The following KCNV2 variants were observed in gnomAD, a reference collection of about 807,000 sequenced individuals.
KCNV2 encodes potassium voltage-gated channel modifier subfamily V member 2.
A neutral mutation model predicts 37.0 loss-of-function variants in KCNV2; 65 were observed. The ratio of observed to expected loss-of-function variants is 1.76; its 90% CI spans 1.44 to 2.16. The LOEUF is 2.16. KCNV2 is among the 30% of genes most tolerant of loss of function. KCNV2 has a pLI of 0.00. For synonymous variants in KCNV2, 518 were observed against 328.6 expected, an observed-to-expected ratio of 1.58 and a Z score of -6.23; for missense variants, 1,232 against 766.7, an observed-to-expected ratio of 1.61 and a Z score of -7.17.
At position 2,718,275 on chromosome 9, in the gene KCNV2, G is replaced by C; in HGVS notation, c.536G>C (p.Arg179Pro). 3.1e-6 allele frequency: 5 copies of C among 1,611,900 alleles called. No individual in the cohort carries two copies. The highest frequency in any genetic ancestry group is 1.1e-5 in the South Asian group (1 of 90,950). The change falls in exon 1 of 2, where the codon CGC becomes CCC. Residue 179 changes from arginine (R) to proline (P), a missense_variant. Physicochemically the swap from Arg to Pro is moderately radical, Grantham distance 103. Coordinates refer to ENST00000382082, the MANE Select transcript of KCNV2 (RefSeq NM_133497.4). ...CTGGTGCTCGACGGGCTGTGTCCGC[G>C]CCGCTTCCTGGAGGAGCTGGGCTAC... is the stretch of plus-strand genomic sequence containing the variant. ...VLLVLDGLCPRRFLEELGYWG... is the reference protein window; with the variant it reads ...VLLVLDGLCPPRFLEELGYWG...
Position 2,717,971 on chromosome 9 carries a change from G to A in KCNV2, c.232G>A (p.Ala78Thr). The A allele has an allele frequency of 1.2e-6, 2 of 1,614,154 alleles. No individual in the cohort carries two copies. Among genetic ancestry groups the A allele is most frequent in the Non-Finnish European group, 1.7e-6 (2 of 1,180,028 alleles). The change falls in exon 1 of 2, where the codon GCA becomes ACA. Residue 78 changes from alanine (A) to threonine (T), a missense_variant. Physicochemically the swap from Ala to Thr is moderately conservative, Grantham distance 58 (BLOSUM62 0). Coordinates refer to ENST00000382082, the MANE Select transcript of KCNV2 (RefSeq NM_133497.4). ...CGACCTGGCAGAAGAGGACCAGCAG[G>A]CAGGGGAGGTCACCACCGCCAAGCC... The part of the protein sequence containing the change: ...KDDLAEEDQQ[A>T]GEVTTAKPEG...
chr9:2,729,909 T>G lies in KCNV2; in HGVS notation c.*182T>G. ...GCCCAAACTCAGAATGTCTCATAGT[T>G]GCTCTGTGTTGTGTGAAACATCTGA... On this transcript the variant is annotated 3_prime_UTR_variant, in exon 2 of 2. Coordinates refer to ENST00000382082, the MANE Select transcript of KCNV2 (RefSeq NM_133497.4). 1.5e-6 allele frequency: 1 copy of G among 646,658 alleles called. No homozygotes were observed. Among genetic ancestry groups the G allele is most frequent in the Non-Finnish European group, 2.7e-6 (1 of 370,532 alleles). The allele number at this position is 646,658 out of a possible 1,614,324, so 40.1% of individuals were successfully genotyped here.
intron 1 of KCNV2, among the ~76,000 whole-genome samples, chr9:2,719,370 A>G (rs978459675): frequency 6.6e-6 from 1 of 152,186 alleles, no homozygotes; most frequent in Non-Finnish European, 1.5e-5. Flanking sequence ...TTTAAAGAAG[A>G]TGCGTCATCA....
At chr9:2,723,604 T>C (rs1586690206) in intron 1 of KCNV2, among the ~76,000 whole-genome samples, 1 of 152,244 alleles carries the variant, frequency 6.6e-6, no homozygotes, top group East Asian at 1.9e-4. Context: ...TGCTAGCCTA[T>C]AGTAAGTCTG....
chr9:2,717,905 G>C lies in KCNV2; in HGVS notation c.166G>C (p.Glu56Gln). 2.5e-6 allele frequency: 4 copies of C among 1,614,188 alleles called. No homozygotes were observed. The highest frequency in any genetic ancestry group is 2.2e-5 in the East Asian group (1 of 44,868). ...AGAGGGCAACTATAACTACTACATC[G>C]AGGAAGACGAAGACGGCGAGGAGGA... Reference protein sequence around the residue: ...WTEGNYNYYIEEDEDGEEEDQ... With the variant: ...WTEGNYNYYIQEDEDGEEEDQ... The change falls in exon 1 of 2, where the codon GAG becomes CAG. Residue 56 changes from glutamate (E) to glutamine (Q), a missense_variant. Transcript: ENST00000382082.
intron 1 of KCNV2, among the ~76,000 whole-genome samples, chr9:2,728,046 ACC>A (rs1378589209): frequency 1.3e-5 from 2 of 152,094 alleles, no homozygotes; most frequent in African/African-American, 2.4e-5. Flanking sequence ...AAGGAGGCAT[ACC>A]CTTCCTTTTT....
At position 2,729,897 on chromosome 9, in the gene KCNV2, A is replaced by G. The variant is rs10967769; in HGVS notation, c.*170A>G. 1,248 of 685,100 alleles carry G rather than the reference A, an allele frequency of 1.8e-3. 15 individuals carry two copies. In the East Asian group the frequency reaches 0.026, roughly 14 times the overall value. 42.4% of individuals were successfully genotyped at this position (685,100 alleles called of 1,614,324 possible). A position where few individuals can be genotyped will look rare whatever the true frequency, so the allele number is the denominator to read the frequency against. Reference sequence around the variant, plus strand: ...ATACTCATTTTGGCCCAAACTCAGAATGTCTCATAGTTGCTCTGTGTTGTG... The same window carrying G: ...ATACTCATTTTGGCCCAAACTCAGAGTGTCTCATAGTTGCTCTGTGTTGTG... On this transcript the variant is annotated 3_prime_UTR_variant, in exon 2 of 2. Coordinates refer to ENST00000382082, the MANE Select transcript of KCNV2 (RefSeq NM_133497.4).
In KCNV2 at chr9:2,718,535, T is replaced by C; in HGVS notation, c.796T>C (p.Ser266Pro). The C allele has an allele frequency of 1.2e-6, 2 of 1,611,582 alleles. No homozygotes were observed. The highest frequency in any genetic ancestry group is 1.1e-5 in the South Asian group (1 of 90,782). The change falls in exon 1 of 2, where the codon TCC becomes CCC. Residue 266 changes from serine (S) to proline (P), a missense_variant. Transcript: ENST00000382082. Reference sequence around the variant, plus strand: ...GGCCGCCAAGGCCATCGGGGTGGCCTCCAGCACCTTCGTGCTCGTCTCCGT... The same window carrying C: ...GGCCGCCAAGGCCATCGGGGTGGCCCCCAGCACCTTCGTGCTCGTCTCCGT... The part of the protein sequence containing the change: ...SVAAKAIGVA[S>P]STFVLVSVVA...
At position 2,717,774 on chromosome 9, in the gene KCNV2, G is replaced by A. The variant is rs780825495; in HGVS notation, c.35G>A (p.Ser12Asn). 6 of 1,614,116 alleles carry A rather than the reference G, an allele frequency of 3.7e-6. No homozygotes were observed. The highest frequency in any genetic ancestry group is 3.3e-5 in the Admixed American group (2 of 60,006). The change falls in exon 1 of 2, where the codon AGC becomes AAC. Residue 12 changes from serine (S) to asparagine (N), a missense_variant. Ser to Asn is a conservative substitution (Grantham distance 46). Transcript: ENST00000382082. ...CAGAGTGAGAGGAGACGGTCCTGGA[G>A]CTACAGGCCCTGGAACACGACGGAG... is the stretch of plus-strand genomic sequence containing the variant. Reference protein sequence around the residue: ...LKQSERRRSWSYRPWNTTENE... With the variant: ...LKQSERRRSWNYRPWNTTENE...
At chr9:2,724,697 T>C (rs1819942388) in intron 1 of KCNV2, among the ~76,000 whole-genome samples, 1 of 152,144 alleles carries the variant, frequency 6.6e-6, no homozygotes, top group South Asian at 2.1e-4. Flanking sequence ...TTGGCTGCAA[T>C]TGGAGGAATG....
At chr9:2,727,260 A>T (rs1819983714) in intron 1 of KCNV2, among the ~76,000 whole-genome samples, 1 of 147,804 alleles carries the variant, frequency 6.8e-6, no homozygotes, top group Admixed American at 6.8e-5. Context: ...CAGGAAGGGG[A>T]ACATCACACA....
Position 2,718,955 on chromosome 9 carries a change from C to T in KCNV2, c.1216C>T (p.Gln406Ter), listed in dbSNP as rs763052137. 9.3e-6 allele frequency: 15 copies of T among 1,610,386 alleles called. No individual in the cohort carries two copies. The highest frequency in any genetic ancestry group is 5.3e-5 in the African/African-American group (4 of 74,964). ...GCGTGCCTTCGGCTTCACGCTGCGCCAGTGCTACCAGCAGGTGGGCTGCCT... is the reference window on the plus strand; with the variant it reads ...GCGTGCCTTCGGCTTCACGCTGCGCTAGTGCTACCAGCAGGTGGGCTGCCT... Reference protein sequence around the residue: ...GLRAFGFTLRQCYQQVGCLLL... With the variant: ...GLRAFGFTLR Residue 406 changes from glutamine (Q) to a stop codon, truncating the protein, a stop_gained, in exon 1 of 2, where the codon CAG becomes TAG. Coordinates refer to ENST00000382082, the MANE Select transcript of KCNV2 (RefSeq NM_133497.4). LOFTEE classifies it high-confidence loss of function.
intron 1 of KCNV2, among the ~76,000 whole-genome samples, chr9:2,727,566 C>A (rs190818793): frequency 2.6e-5 from 4 of 152,246 alleles, no homozygotes; most frequent in African/African-American, 9.6e-5. Flanking sequence ...AGGGCAGAGT[C>A]AGGGAGGAGC....
chr9:2,720,435 G>A (rs1819845593), intron 1 of KCNV2: 1 of 152,026 alleles, frequency 6.6e-6, no homozygotes, highest in Non-Finnish European at 1.5e-5. Flanking sequence ...TAGAGGATAT[G>A]TGAGCTTTCT....
intron 1 of KCNV2, among the ~76,000 whole-genome samples, chr9:2,728,734 C>A (rs1247344187): frequency 6.6e-6 from 1 of 152,138 alleles, no homozygotes; most frequent in African/African-American, 2.4e-5. Context: ...AGTGTTATAA[C>A]TGTCTTCATT....
Position 2,729,818 on chromosome 9 carries a change from T to TC in KCNV2, c.*91_*92insC. 7.2e-7 allele frequency: 1 copy of TC among 1,386,188 alleles called. No homozygotes were observed. Among genetic ancestry groups the TC allele is most frequent in the South Asian group, 1.2e-5 (1 of 85,790 alleles). 85.9% of individuals were successfully genotyped at this position (1,386,188 alleles called of 1,614,324 possible). On this transcript the variant is annotated 3_prime_UTR_variant, in exon 2 of 2. Transcript: ENST00000382082. ...CATTATGATTGGCAGCAAAAGGAAA[T>TC]GTGAAGCAGACATACACAAAGGCCA...
chr9:2,721,794 G>C (rs10967728), intron 1 of KCNV2, among the ~76,000 whole-genome samples: 66,400 of 151,842 alleles, frequency 0.44, 14,988 homozygotes, highest in East Asian at 0.73. Flanking sequence ...AGTAGAGTCT[G>C]TCTTTAGTGG....
chr9:2,718,149 G>A lies in KCNV2; in HGVS notation c.410G>A (p.Ser137Asn), dbSNP rs953979254. The change falls in exon 1 of 2, where the codon AGC (serine) becomes AAC (asparagine). Residue 137 changes from serine (S) to asparagine (N), a missense_variant. Coordinates refer to ENST00000382082, the MANE Select transcript of KCNV2 (RefSeq NM_133497.4). Reference protein sequence around the residue: ...ATSTSRSRQLSLCDDYEEQTD... With the variant: ...ATSTSRSRQLNLCDDYEEQTD... ...TCCACCAGCCGCAGCCGCCAGCTAA[G>A]CCTGTGCGACGACTACGAGGAGCAG... 94 of 1,611,422 alleles carry A rather than the reference G, an allele frequency of 5.8e-5. No individual in the cohort carries two copies. Among genetic ancestry groups the A allele is most frequent in the Non-Finnish European group, 7.8e-5 (92 of 1,178,974 alleles).
rs996620453 is a variant in KCNV2, at chr9:2,717,753, G to C, written c.14G>C (p.Ser5Thr). The C allele has an allele frequency of 6.2e-7, 1 of 1,614,104 alleles. No individual in the cohort carries two copies. Among genetic ancestry groups the C allele is most frequent in the African/African-American group, 1.3e-5 (1 of 74,940 alleles). The stretch of plus-strand genomic sequence containing the variant: ...CTTTCCGCAGCCATGCTCAAACAGA[G>C]TGAGAGGAGACGGTCCTGGAGCTAC... MLKQ[S>T]ERRRSWSYRP... The change falls in exon 1 of 2, where the codon AGT becomes ACT. Residue 5 changes from serine to threonine, a missense_variant. By Grantham distance (58) the Ser-to-Thr change is moderately conservative. Coordinates refer to ENST00000382082, the MANE Select transcript of KCNV2 (RefSeq NM_133497.4).
Sources: gnomAD v4.1 joint callset for allele counts (sites outside exome capture counted in the v4.1 genomes callset) on GRCh38, gnomAD v4.1.1 for gene constraint, MANE v1.5 for transcripts, NCBI Gene and HGNC (gene_info 2026-07-23, HGNC 2026-07-21) for gene names.